FER1L5: variants seen among roughly 807,000 people sequenced by gnomAD.
FER1L5 encodes fer-1 like family member 5.
FER1L5 carries 187 observed loss-of-function variants against 279.9 expected under a neutral mutation model. That is an observed-to-expected ratio of 0.67 (90% confidence interval 0.59 to 0.75). The LOEUF (loss-of-function observed/expected upper bound fraction) is 0.75, where lower values mean the gene tolerates loss of function less well. FER1L5 is among the 30% of genes least tolerant of loss of function. The pLI is 0.00. For synonymous variants in FER1L5, 921 were observed against 989.7 expected, an observed-to-expected ratio of 0.93 and a Z score of 1.30; for missense variants, 2,091 against 2,594.4, an observed-to-expected ratio of 0.81 and a Z score of 4.21.
In FER1L5 at chr2:96,702,875, TCTTC is replaced by T; in HGVS notation, c.5398-99_5398-96del. On this transcript the variant is annotated intron_variant, in intron 48 of 52. Transcript: ENST00000624922. This position sits in a 1 kb window ranked among gnomAD's most constrained non-coding sequence, Gnocchi z 4.0. ...GAAACATGTCCTCAGGTGGAAACCCTCTTCCTTGATAGTCTATCACTGCTGGGTG... is the reference window on the plus strand; with the variant it reads ...GAAACATGTCCTCAGGTGGAAACCCTCTTGATAGTCTATCACTGCTGGGTG... 6.5e-7 allele frequency: 1 copy of T among 1,528,142 alleles called. No individual in the cohort carries two copies. The highest frequency in any genetic ancestry group is 8.9e-7 in the Non-Finnish European group (1 of 1,129,360). 94.7% of individuals were successfully genotyped at this position (1,528,142 alleles called of 1,614,324 possible).
At chr2:96,666,304 G>A (rs1487628374) in intron 14 of FER1L5, among the ~76,000 whole-genome samples, 5 of 150,492 alleles carry the variant, frequency 3.3e-5, no homozygotes, top group South Asian at 2.1e-4. Context: ...AGGTGGTTCC[G>A]CCATAAATCT....
intron 23 of FER1L5, among the ~76,000 whole-genome samples, chr2:96,686,855 C>CAAAAAAAAAAAAA (rs58724485): frequency 4.9e-5 from 2 of 41,156 alleles, no homozygotes; most frequent in African/African-American, 8.4e-5. Context: ...GACTCCGTCT[C>CAAAAAAAAAAAAA]AAAAAAAAAA....
chr2:96,678,285 A>G (rs1009262232), intron 19 of FER1L5, among the ~76,000 whole-genome samples: 3 of 151,756 alleles, frequency 2.0e-5, no homozygotes, highest in Admixed American at 6.6e-5. Context: ...ATGTGCCACC[A>G]CGCCCGGCTA....
At chr2:96,684,090 G>A (rs1455744346) in intron 19 of FER1L5, among the ~76,000 whole-genome samples, 1 of 152,210 alleles carries the variant, frequency 6.6e-6, no homozygotes, top group Non-Finnish European at 1.5e-5. Context: ...TTTTCCCACT[G>A]GAAACTGGGG....
At chr2:96,695,393 T>C (rs2077332006) in intron 34 of FER1L5, 116 bp from the exon 35 acceptor site, 3 of 1,354,420 alleles carry the variant, frequency 2.2e-6, no homozygotes, top group East Asian at 2.6e-5. Flanking sequence ...CCCCATTCCC[T>C]GGCCCTGCAG....
In FER1L5 at chr2:96,689,417, C is replaced by T. The variant is rs1282960006; in HGVS notation, c.2525+41C>T. 2.6e-6 allele frequency: 4 copies of T among 1,539,656 alleles called. No homozygotes were observed. In the South Asian group the frequency reaches 3.7e-5, roughly 14 times the overall value. ...GCAGGCCCCACCAGAGGGGACACTTCACCTGGGAGGGCCAGTCCGCGGCAG... is the reference window on the plus strand; with the variant it reads ...GCAGGCCCCACCAGAGGGGACACTTTACCTGGGAGGGCCAGTCCGCGGCAG... On this transcript the variant is annotated intron_variant, in intron 25 of 52. Coordinates refer to ENST00000624922, the MANE Select transcript of FER1L5 (RefSeq NM_001293083.2). The surrounding 1 kb of genome is among the most constrained non-coding windows in gnomAD (Gnocchi z 4.6).
At chr2:96,659,290 T>TGCCTGCCTGCC (rs2075732527) in intron 9 of FER1L5, among the ~76,000 whole-genome samples, 12 of 81,030 alleles carry the variant, frequency 1.5e-4, no homozygotes, top group African/African-American at 5.4e-4. Context: ...TTTATCAAGC[T>TGCCTGCCTGCC]TTCCTTCCTT....
In FER1L5 at chr2:96,647,122, C is replaced by T. The variant is rs1291969882; in HGVS notation, c.197C>T (p.Thr66Ile). The T allele has an allele frequency of 3.2e-6, 5 of 1,551,692 alleles. No homozygotes were observed. The highest frequency in any genetic ancestry group is 4.4e-6 in the Non-Finnish European group (5 of 1,146,996). ...PLENDSFLQV[T>I]LQDMGSQKKE... ...GAAAATGACTCCTTCCTGCAAGTCA[C>T]CCTTCAGGACATGGGCTCACAAAAG... The change falls in exon 3 of 53, where the codon ACC becomes ATC. Residue 66 changes from threonine (T) to isoleucine (I), a missense_variant. By Grantham distance (89) the Thr-to-Ile change is moderately conservative. Transcript: ENST00000624922.
At chr2:96,651,241 T>TTCTTTCTTTCTTTC (rs2106444127) in intron 6 of FER1L5, among the ~76,000 whole-genome samples, 1 of 24,230 alleles carries the variant, frequency 4.1e-5, no homozygotes, top group African/African-American at 1.5e-4. Context: ...TTCTTTCTCT[T>TTCTTTCTTTCTTTC]TCTTTCTTTC....
chr2:96,700,611 A>G (rs2153309926), intron 45 of FER1L5, 140 bp downstream of exon 45: 1 of 1,141,578 alleles, frequency 8.8e-7, no homozygotes, highest in East Asian at 2.4e-5. Context: ...ACAGAAGACA[A>G]GCATGCTGTG....
At chr2:96,649,765 C>T in intron 5 of FER1L5, 88 bp downstream of exon 5, 1 of 1,365,896 alleles carries the variant, frequency 7.3e-7, no homozygotes, top group Non-Finnish European at 1.0e-6. Context: ...CCTTCAAAAC[C>T]CAGCCCTTGA....
chr2:96,656,855 C>T (rs1039559024), intron 9 of FER1L5, among the ~76,000 whole-genome samples: 2 of 150,164 alleles, frequency 1.3e-5, no homozygotes, highest in Admixed American at 6.7e-5. Context: ...TTCAGGGAAT[C>T]ATTTTGCATT....
rs1558853573 is a variant in FER1L5 at position 96,659,358 on chromosome 2, C to CTTTCTTTCT, written c.748-981_748-980insTCTTTCTTT. On this transcript the variant is annotated intron_variant, in intron 9 of 52. Transcript: ENST00000624922. ...CCTTCCTTCCTTCCTTCCTTCCTTC[C>CTTTCTTTCT]TTCCTTCTTTCTTTCTTTCTTTCTT... Among the ~76,000 whole-genome samples, 4 of 60,608 alleles carry CTTTCTTTCT rather than the reference C, an allele frequency of 6.6e-5. 1 individual carries two copies. The East Asian group carries it at 3.0e-3, about 45-fold the overall frequency. 39.8% of individuals were successfully genotyped at this position (60,608 alleles called of 152,430 possible).
rs1435619422 is a variant in FER1L5, at chr2:96,698,096, G to A, written c.4296G>A (p.Gln1432=). 1 of 1,589,562 alleles carries A rather than the reference G, an allele frequency of 6.3e-7. No homozygotes were observed. Among genetic ancestry groups the A allele is most frequent in the East Asian group, 2.3e-5 (1 of 43,464 alleles). ...PAFQGLQDFC[Q]TFKLYQEQPK... is the part of the protein sequence containing the mutation. ...TCCAGGGCCTGCAGGACTTCTGCCAGACCTTCAAACTCTACCAGGAGCAGC... is the reference window on the plus strand; with the variant it reads ...TCCAGGGCCTGCAGGACTTCTGCCAAACCTTCAAACTCTACCAGGAGCAGC... The change falls in exon 40 of 53, where the codon CAG becomes CAA. Residue 1432 remains glutamine, a synonymous_variant. Transcript: ENST00000624922. This position sits in a 1 kb window ranked among gnomAD's most constrained non-coding sequence, Gnocchi z 5.5.
chr2:96,657,766 T>G (rs1190546208), intron 9 of FER1L5, among the ~76,000 whole-genome samples: 2 of 152,244 alleles, frequency 1.3e-5, no homozygotes, highest in Non-Finnish European at 2.9e-5. Context: ...TTCATCCATG[T>G]TGTTGCACTT....
At chr2:96,687,725 G>A in intron 23 of FER1L5, 91 bp from the exon 24 acceptor site, 5 of 1,512,122 alleles carry the variant, frequency 3.3e-6, no homozygotes, top group Non-Finnish European at 4.5e-6. Context: ...GGCTCAGGGG[G>A]GAAGGGGCAG....
chr2:96,656,835 T>A (rs952741595), intron 9 of FER1L5, among the ~76,000 whole-genome samples: 1 of 151,374 alleles, frequency 6.6e-6, no homozygotes, highest in Non-Finnish European at 1.5e-5. Flanking sequence ...TGGGTTTTGC[T>A]GATTTCATCT....
chr2:96,645,784 TCA>T (rs146090576), intron 1 of FER1L5, among the ~76,000 whole-genome samples: 37 of 147,510 alleles, frequency 2.5e-4, no homozygotes, highest in African/African-American at 7.9e-4. Flanking sequence ...TCACACACAC[TCA>T]CACACACACA....
chr2:96,667,838 G>C lies in FER1L5; in HGVS notation c.1141-913G>C, dbSNP rs1203931676. The stretch of plus-strand genomic sequence containing the variant: ...CAGGGCAGACTCAGGTGTCAGAGGG[G>C]CCTGAAGCTTATGCAATTAGGGGAC... On this transcript the variant is annotated intron_variant, in intron 14 of 52. Transcript: ENST00000624922. 2.0e-5 allele frequency among the ~76,000 whole-genome samples: 3 copies of C among 152,160 alleles called. No homozygotes were observed. In the East Asian group the frequency reaches 5.8e-4, roughly 29 times the overall value.
Sources: gnomAD v4.1 joint callset for allele counts (sites outside exome capture counted in the v4.1 genomes callset) on GRCh38, gnomAD v4.1.1 for gene constraint, Gnocchi (gnomAD v3.1) non-coding constraint, MANE v1.5 for transcripts, NCBI Gene and HGNC (gene_info 2026-07-23, HGNC 2026-07-21) for gene names.